Variants in AKAP8L observed in about 807,000 individuals in gnomAD.
AKAP8L encodes A-kinase anchor protein 8-like.
AKAP8L carries 34 observed loss-of-function variants against 77.5 expected under a neutral mutation model. The observed-to-expected ratio is 0.44, with a 90% CI of 0.33 to 0.58. AKAP8L has a LOEUF of 0.58. Among genes scored for constraint, AKAP8L ranks in the 20% least tolerant of loss-of-function variants. The probability of loss-of-function intolerance (pLI) is 0.02; values close to 1 mark genes in which losing one functional copy is unlikely to be tolerated. For synonymous variants in AKAP8L, 342 were observed against 340.7 expected (o/e 1.00, Z -0.04); for missense variants, 806 against 887.6 (o/e 0.91, Z 1.17).
chr19:15,410,681 C>G, intron 1 of AKAP8L, 87 bp from the exon 2 acceptor site: 1 of 1,060,164 alleles, frequency 9.4e-7, no homozygotes, highest in Non-Finnish European at 1.4e-6. Flanking sequence ...ATAGGATTGC[C>G]AGCAGGCCCT....
intron 12 of AKAP8L, among the ~76,000 whole-genome samples, chr19:15,386,157 G>A (rs1454264561): frequency 8.6e-5 from 13 of 151,582 alleles, no homozygotes; most frequent in African/African-American, 2.7e-4. Context: ...TGATCCGCCT[G>A]CCTCGGCCTC....
At chr19:15,417,096 G>A (rs958625403) in intron 1 of AKAP8L, among the ~76,000 whole-genome samples, 4 of 152,032 alleles carry the variant, frequency 2.6e-5, no homozygotes. Context: ...CAGAACTACA[G>A]CCTACAAGAC....
chr19:15,397,648 T>A lies in AKAP8L; in HGVS notation c.1300-23A>T, dbSNP rs368458552. Reference sequence around the variant, plus strand: ...CTCCTGCAAGGAATATAAAGGTTCATGTGGGCCGCCTTATGTTCTCAGGGG... The same window carrying A: ...CTCCTGCAAGGAATATAAAGGTTCAAGTGGGCCGCCTTATGTTCTCAGGGG... On this transcript the variant is annotated intron_variant, in intron 10 of 13. Transcript: ENST00000397410. This position sits in a 1 kb window ranked among gnomAD's most constrained non-coding sequence, Gnocchi z 4.7. 2 of 1,613,910 alleles carry A rather than the reference T, an allele frequency of 1.2e-6. No homozygotes were observed. The highest frequency in any genetic ancestry group is 4.5e-5 in the East Asian group (2 of 44,880).
At chr19:15,418,522 T>C (rs1599629397) in intron 1 of AKAP8L, among the ~76,000 whole-genome samples, 1 of 151,974 alleles carries the variant, frequency 6.6e-6, no homozygotes, top group Admixed American at 6.5e-5. Context: ...GACGCGACAA[T>C]GGCGACGGCA....
Position 15,403,004 on chromosome 19 carries a change from A to G in AKAP8L, c.362+471T>C, listed in dbSNP as rs1967928329. Among the ~76,000 whole-genome samples, 1 of 152,080 alleles carries G rather than the reference A, an allele frequency of 6.6e-6. No homozygotes were observed. Among genetic ancestry groups the G allele is most frequent in the Admixed American group, 6.6e-5 (1 of 15,264 alleles). On this transcript the variant is annotated intron_variant, in intron 4 of 13. Transcript: ENST00000397410. This position sits in a 1 kb window ranked among gnomAD's most constrained non-coding sequence, Gnocchi z 4.3. ...GGTACATGTTTGTAAGGCACAGGAG[A>G]GTAACCAGGAAATGCCCACACCTGC...
At chr19:15,410,203 A>G (rs1007111223) in intron 2 of AKAP8L, among the ~76,000 whole-genome samples, 1 of 152,136 alleles carries the variant, frequency 6.6e-6, no homozygotes. Flanking sequence ...TCGGCCTCCC[A>G]AAGTGCTGGG....
intron 2 of AKAP8L, 149 bp from the exon 3 acceptor site, chr19:15,404,191 A>C (rs1770778728): frequency 1.4e-6 from 1 of 719,828 alleles, no homozygotes; most frequent in African/African-American, 1.8e-5. Flanking sequence ...AGCACTGCGC[A>C]AATGACCCAG....
intron 4 of AKAP8L, among the ~76,000 whole-genome samples, chr19:15,402,352 G>A (rs1397447848): frequency 6.6e-6 from 1 of 151,946 alleles, no homozygotes; most frequent in Non-Finnish European, 1.5e-5. Flanking sequence ...TACAGGCCTG[G>A]ACCCCACACA....
chr19:15,403,410 C>A lies in AKAP8L; in HGVS notation c.362+65G>T. 1 of 1,494,490 alleles carries A rather than the reference C, an allele frequency of 6.7e-7. No homozygotes were observed. Among genetic ancestry groups the A allele is most frequent in the Non-Finnish European group, 9.3e-7 (1 of 1,076,486 alleles). 92.6% of individuals were successfully genotyped at this position (1,494,490 alleles called of 1,614,324 possible). On this transcript the variant is annotated intron_variant, in intron 4 of 13. Transcript: ENST00000397410. The surrounding 1 kb of genome is among the most constrained non-coding windows in gnomAD (Gnocchi z 4.3). ...ACAGAGGGGCACTCAGAGAGGAAAA[C>A]GCAGTGGGCAGCAGGCAGGAGCCGC...
chr19:15,396,614 C>A (rs771723206), intron 12 of AKAP8L, among the ~76,000 whole-genome samples: 39 of 152,196 alleles, frequency 2.6e-4, no homozygotes, highest in Non-Finnish European at 5.4e-4. Context: ...GCCCCCGGCT[C>A]CCTTCCTTCA....
At chr19:15,391,665 A>C in intron 12 of AKAP8L, among the ~76,000 whole-genome samples, 2 of 149,698 alleles carry the variant, frequency 1.3e-5, no homozygotes, top group East Asian at 2.0e-4. Context: ...CAGCCTCCCA[A>C]GTAGCTGGGA....
chr19:15,404,448 G>A (rs991556486), intron 2 of AKAP8L, among the ~76,000 whole-genome samples: 2 of 152,234 alleles, frequency 1.3e-5, no homozygotes, highest in African/African-American at 4.8e-5. Flanking sequence ...ATTGTTGACT[G>A]TGCTGTGCTG....
At position 15,399,379 on chromosome 19, in the gene AKAP8L, C is replaced by G; in HGVS notation, c.1080G>C (p.Gln360His). 1 of 1,613,868 alleles carries G rather than the reference C, an allele frequency of 6.2e-7. No homozygotes were observed. The highest frequency in any genetic ancestry group is 8.5e-7 in the Non-Finnish European group (1 of 1,179,836). ...TGCCTGCCTGCAACTTGCGCTTGGT[C>G]TGGCCATTTTCATCCTGGGTGGTTA... ...GALTTQDENG[Q>H]TKRKLQAGKK... Residue 360 changes from glutamine to histidine, a missense_variant, in exon 9 of 14, where the codon CAG (glutamine) becomes CAC (histidine). By Grantham distance (24) the Gln-to-His change is conservative. Around this residue, in one of 2 missense-constraint regions of AKAP8L, gnomAD observed 580 missense variants for 694.1 expected, o/e 0.84. Coordinates refer to ENST00000397410, the MANE Select transcript of AKAP8L (RefSeq NM_014371.4). This position sits in a 1 kb window ranked among gnomAD's most constrained non-coding sequence, Gnocchi z 6.1.
In AKAP8L at chr19:15,380,421, G is replaced by A. The variant is rs745833631; in HGVS notation, c.1642C>T (p.Pro548Ser). The change falls in exon 14 of 14, where the codon CCT becomes TCT. Residue 548 changes from proline to serine, a missense_variant. Pro to Ser is a moderately conservative substitution (Grantham distance 74). Coordinates refer to ENST00000397410, the MANE Select transcript of AKAP8L (RefSeq NM_014371.4). ...TCCTCCTCGGGGCTGTCGGTGAAAG[G>A]GTTCTCGCCCTGTGGGGAGGGGCGC... is the stretch of plus-strand genomic sequence containing the variant. The part of the protein sequence containing the change: ...KLERYLKGEN[P>S]FTDSPEEEKE... 4 of 1,603,706 alleles carry A rather than the reference G, an allele frequency of 2.5e-6. No individual in the cohort carries two copies. The East Asian group carries it at 9.0e-5, about 36-fold the overall frequency.
At chr19:15,381,727 A>C (rs140088386) in intron 12 of AKAP8L, among the ~76,000 whole-genome samples, 2 of 152,214 alleles carry the variant, frequency 1.3e-5, no homozygotes, top group African/African-American at 4.8e-5. Flanking sequence ...ACTACTATAG[A>C]CCGTTCCCCC....
At position 15,418,975 on chromosome 19, in the gene AKAP8L, T is replaced by A; in HGVS notation, c.-52A>T. 1 of 1,602,622 alleles carries A rather than the reference T, an allele frequency of 6.2e-7. No homozygotes were observed. The highest frequency in any genetic ancestry group is 8.5e-7 in the Non-Finnish European group (1 of 1,178,958). ...ACGCCGGCTTCTGCTGCTCTGAACA[T>A]CCGACGCTGCGATAGCTGCTGCTAA... On this transcript the variant is annotated 5_prime_UTR_variant, in exon 1 of 14. An upstream start codon of the reference 5' UTR is lost. Coordinates refer to ENST00000397410, the MANE Select transcript of AKAP8L (RefSeq NM_014371.4).
chr19:15,400,728 G>A (rs772227373), intron 7 of AKAP8L, 66 bp downstream of exon 7: 3 of 1,575,858 alleles, frequency 1.9e-6, no homozygotes, highest in Admixed American at 3.4e-5. Flanking sequence ...CCCCCAGGGA[G>A]AGCACCACTC....
chr19:15,400,405 T>C (rs750323179), intron 7 of AKAP8L, 47 bp from the exon 8 acceptor site: 249 of 1,575,544 alleles, frequency 1.6e-4, no homozygotes, highest in Non-Finnish European at 2.0e-4. Context: ...TTTTTTTTTT[T>C]TTTTAAAAGA....
At chr19:15,391,679 C>T (rs1413686552) in intron 12 of AKAP8L, among the ~76,000 whole-genome samples, 4 of 151,416 alleles carry the variant, frequency 2.6e-5, no homozygotes, top group African/African-American at 9.7e-5. Context: ...GCTGGGACTA[C>T]AGGTGCCCGC....
Sources: allele counts gnomAD v4.1 joint callset (sites outside exome capture counted in the v4.1 genomes callset), GRCh38; gene constraint gnomAD v4.1.1; regional missense constraint gnomAD v4.1.1; non-coding constraint Gnocchi (gnomAD v3.1); transcripts MANE v1.5; gene names NCBI Gene and HGNC (gene_info 2026-07-23, HGNC 2026-07-21).